ZC3H13: variants seen among roughly 807,000 people sequenced by gnomAD.
The protein encoded by ZC3H13 is zinc finger CCCH domain-containing protein 13.
ZC3H13 carries 64 observed loss-of-function variants against 204.1 expected under a neutral mutation model. The observed-to-expected ratio is 0.31, with a 90% CI of 0.26 to 0.39. The LOEUF is 0.39. Ranked by LOEUF, ZC3H13 falls within the 10% of genes least tolerant of loss-of-function variation. The pLI is 1.00. For synonymous variants in ZC3H13, 667 were observed against 693.7 expected, an observed-to-expected ratio of 0.96 and a Z score of 0.60; for missense variants, 1,833 against 2,082.7, an observed-to-expected ratio of 0.88 and a Z score of 2.33.
chr13:45,984,386 T>C (rs1178357891), intron 10 of ZC3H13, among the ~76,000 whole-genome samples: 2 of 152,238 alleles, frequency 1.3e-5, no homozygotes, highest in African/African-American at 4.8e-5. Context: ...ATTTACATCT[T>C]ACAAAATGTA....
chr13:46,020,708 G>C, intron 4 of ZC3H13, 151 bp from the exon 5 acceptor site: 1 of 574,978 alleles, frequency 1.7e-6, no homozygotes. Flanking sequence ...AGTAGAGAAA[G>C]TGACAAATTC....
chr13:46,001,181 T>C (rs1339745480), intron 8 of ZC3H13: 1 of 152,222 alleles, frequency 6.6e-6, no homozygotes, highest in Non-Finnish European at 1.5e-5. Context: ...AAAATGGCAC[T>C]GATAGGCTTG....
At chr13:45,986,069 G>C (rs1954163388) in intron 9 of ZC3H13, among the ~76,000 whole-genome samples, 1 of 152,106 alleles carries the variant, frequency 6.6e-6, no homozygotes, top group African/African-American at 2.4e-5. Flanking sequence ...TTACTTTTCA[G>C]AAACCACTTT....
At position 45,967,872 on chromosome 13, in the gene ZC3H13, G is replaced by A. The variant is rs1265066398; in HGVS notation, c.3953C>T (p.Thr1318Met). The change falls in exon 15 of 19, where the codon ACG becomes ATG. Residue 1318 changes from threonine to methionine, a missense_variant. Thr to Met is a moderately conservative substitution (Grantham distance 81, BLOSUM62 -1). This residue lies in a region of ZC3H13 where 1,574 missense variants were observed against 1,757.2 expected (regional missense o/e 0.90). Coordinates refer to ENST00000679008, the MANE Select transcript of ZC3H13 (RefSeq NM_001330564.2). ...DRERERERRD[T>M]RQREWDRDAD... ...ATCTCGGTCCCATTCTCTCTGCCTC[G>A]TATCTCTCCTCTCTCTCTCGCGCTC... is the stretch of plus-strand genomic sequence containing the variant. The A allele has an allele frequency of 4.3e-6, 7 of 1,613,682 alleles. No homozygotes were observed. In the East Asian group the frequency reaches 6.7e-5, roughly 15 times the overall value.
intron 12 of ZC3H13, among the ~76,000 whole-genome samples, chr13:45,972,813 G>T (rs1952695486): frequency 6.6e-6 from 1 of 152,200 alleles, no homozygotes; most frequent in Non-Finnish European, 1.5e-5. Flanking sequence ...CTGTGCAAAT[G>T]TGAAGAGGAT....
At chr13:45,988,140 C>A (rs1258449952) in intron 9 of ZC3H13, among the ~76,000 whole-genome samples, 1 of 152,114 alleles carries the variant, frequency 6.6e-6, no homozygotes, top group African/African-American at 2.4e-5. Context: ...TTCCCTTCAC[C>A]TCCTTGTTTT....
rs150230100 is a variant in ZC3H13 at position 45,959,409 on chromosome 13, A to G, written c.4839+74T>C. The G allele has an allele frequency of 3.1e-4, 420 of 1,376,932 alleles. 2 individuals carry two copies. The African/African-American group carries it at 5.7e-3, about 19-fold the overall frequency. 85.3% of individuals were successfully genotyped at this position (1,376,932 alleles called of 1,614,324 possible). ...ATAAAAACATAAGATTGCAATCTCA[A>G]TTTAAAACAACCAAATGAAAAATAG... On this transcript the variant is annotated intron_variant, in intron 18 of 18. Transcript: ENST00000679008.
At position 46,006,713 on chromosome 13, in the gene ZC3H13, C is replaced by CATATATATATATATAT. The variant is rs71184435; in HGVS notation, c.747-3378_747-3377insATATATATATATATAT. On this transcript the variant is annotated intron_variant, in intron 7 of 18. Transcript: ENST00000679008. Reference sequence around the variant, plus strand: ...TTCTCAAGTCCCAAGAGTTCTTAGCCATATATATATATGAGATAGTATCTA... The same window carrying CATATATATATATATAT: ...TTCTCAAGTCCCAAGAGTTCTTAGCCATATATATATATATATATATATATATATGAGATAGTATCTA... Among the ~76,000 whole-genome samples the CATATATATATATATAT allele has an allele frequency of 2.8e-3, 179 of 63,826 alleles. 43 individuals carry two copies. The highest frequency in any genetic ancestry group is 7.8e-3 in the African/African-American group (103 of 13,196). The allele number at this position is 63,826 out of a possible 152,430, so 41.9% of individuals were successfully genotyped here.
chr13:45,969,619 A>C lies in ZC3H13; in HGVS notation c.2925T>G (p.Val975=), dbSNP rs755861718. Residue 975 remains valine (V), a synonymous_variant, in exon 14 of 19, where the codon GTT becomes GTG. Transcript: ENST00000679008. ...TCTCTATGTTACCCCTCTCTATTCC[A>C]ACATCATCCTCTTTCTTTTTCTTAA... is the stretch of plus-strand genomic sequence containing the variant. ...KPIKKKKEDD[V]GIERGNIETT... The C allele has an allele frequency of 3.1e-6, 5 of 1,609,606 alleles. No individual in the cohort carries two copies. In the South Asian group the frequency reaches 5.6e-5, roughly 18 times the overall value.
rs1243078459 is a variant in ZC3H13, at chr13:46,045,127, G to C, written c.118-63C>G. The C allele has an allele frequency of 3.5e-6, 5 of 1,417,210 alleles. No homozygotes were observed. The African/African-American group carries it at 5.8e-5, about 16-fold the overall frequency. The allele number at this position is 1,417,210 out of a possible 1,614,324, so 87.8% of individuals were successfully genotyped here. On this transcript the variant is annotated intron_variant, in intron 2 of 18. Coordinates refer to ENST00000679008, the MANE Select transcript of ZC3H13 (RefSeq NM_001330564.2). Reference sequence around the variant, plus strand: ...TTTCTGGAAAAAAAAAATGCTAGCGGGACAAAATTAAAACAAATGCTACCA... The same window carrying C: ...TTTCTGGAAAAAAAAAATGCTAGCGCGACAAAATTAAAACAAATGCTACCA...
intron 5 of ZC3H13, among the ~76,000 whole-genome samples, chr13:46,014,672 A>T (rs1337188759): frequency 6.6e-6 from 1 of 152,164 alleles, no homozygotes; most frequent in Admixed American, 6.5e-5. Context: ...TTTATGATAC[A>T]TTCTCATTGC....
At position 45,967,778 on chromosome 13, in the gene ZC3H13, T is replaced by A. The variant is rs775271174; in HGVS notation, c.4047A>T (p.Arg1349=). The change falls in exon 15 of 19, where the codon CGA becomes CGT. Residue 1349 remains arginine, a synonymous_variant. Coordinates refer to ENST00000679008, the MANE Select transcript of ZC3H13 (RefSeq NM_001330564.2). ...CCCTATCCAAGTCTCTCCTTTTGTCTCGTTCTCTCTCTCGTTCTCGTTCTC... is the reference window on the plus strand; with the variant it reads ...CCCTATCCAAGTCTCTCCTTTTGTCACGTTCTCTCTCTCGTTCTCGTTCTC... The part of the protein sequence containing the change: ...RLRERERERE[R]DKRRDLDRER... 1 of 1,611,602 alleles carries A rather than the reference T, an allele frequency of 6.2e-7. No individual in the cohort carries two copies. Among genetic ancestry groups the A allele is most frequent in the Non-Finnish European group, 8.5e-7 (1 of 1,178,584 alleles).
At chr13:46,043,663 C>T (rs1028750127) in intron 3 of ZC3H13, among the ~76,000 whole-genome samples, 2 of 151,426 alleles carry the variant, frequency 1.3e-5, no homozygotes, top group East Asian at 3.9e-4. Flanking sequence ...TTTTTCCTCC[C>T]GACAAAAAAA....
intron 4 of ZC3H13, among the ~76,000 whole-genome samples, chr13:46,035,043 C>T (rs1018360510): frequency 6.6e-6 from 1 of 152,186 alleles, no homozygotes; most frequent in Admixed American, 6.5e-5. Context: ...TACCATTCTA[C>T]AATAAAAGAA....
rs543769079 is a variant in ZC3H13, at chr13:45,987,095, C to A, written c.1256-1334G>T. On this transcript the variant is annotated intron_variant, in intron 9 of 18. Coordinates refer to ENST00000679008, the MANE Select transcript of ZC3H13 (RefSeq NM_001330564.2). ...AGTGCCAGATCTTTTTCTCATGATG[C>A]GCCCATCTGTCTTTACAAATACGTC... is the stretch of plus-strand genomic sequence containing the variant. Among the ~76,000 whole-genome samples, 3 of 152,270 alleles carry A rather than the reference C, an allele frequency of 2.0e-5. No individual in the cohort carries two copies. The South Asian group carries it at 6.2e-4, about 32-fold the overall frequency.
intron 4 of ZC3H13, among the ~76,000 whole-genome samples, chr13:46,021,207 T>C (rs552979415): frequency 1.3e-5 from 2 of 152,108 alleles, no homozygotes; most frequent in Admixed American, 6.5e-5. Context: ...AATAGTAAAT[T>C]AGTCCTCACT....
intron 9 of ZC3H13, among the ~76,000 whole-genome samples, chr13:45,988,494 T>C (rs111563260): frequency 3.3e-4 from 51 of 152,280 alleles, no homozygotes; most frequent in Middle Eastern, 3.4e-3. Context: ...CCTGACCGCA[T>C]GATCCTCCCA....
Position 46,010,362 on chromosome 13 carries a change from C to T in ZC3H13, c.732G>A (p.Leu244=). The change falls in exon 7 of 19, where the codon CTG becomes CTA. Residue 244 remains leucine, a synonymous_variant. Coordinates refer to ENST00000679008, the MANE Select transcript of ZC3H13 (RefSeq NM_001330564.2). ...ACCCTACTGACCTCTGCTGGTCCAACAGGGGAGAAGATACTGCAGATGTCT... is the reference window on the plus strand; with the variant it reads ...ACCCTACTGACCTCTGCTGGTCCAATAGGGGAGAAGATACTGCAGATGTCT... The part of the protein sequence containing the change: ...DRKTSAVSSP[L]LDQQRNSKTN... The T allele has an allele frequency of 1.2e-6, 2 of 1,612,056 alleles. No individual in the cohort carries two copies. The highest frequency in any genetic ancestry group is 8.5e-7 in the Non-Finnish European group (1 of 1,178,484).
chr13:45,962,418 A>C (rs1375627272), intron 17 of ZC3H13: 2 of 985,298 alleles, frequency 2.0e-6, no homozygotes, highest in African/African-American at 3.5e-5. Context: ...CACAGAAACA[A>C]ATATCTTTAG....
Sources: allele counts gnomAD v4.1 joint callset (sites outside exome capture counted in the v4.1 genomes callset), GRCh38; gene constraint gnomAD v4.1.1; regional missense constraint gnomAD v4.1.1; transcripts MANE v1.5; gene names NCBI Gene and HGNC (gene_info 2026-07-23, HGNC 2026-07-21).